PLXNA2: variants seen among roughly 807,000 people sequenced by gnomAD.
PLXNA2 encodes plexin A2.
PLXNA2 carries 91 observed loss-of-function variants against 193.5 expected under a neutral mutation model. The ratio of observed to expected loss-of-function variants is 0.47; its 90% CI spans 0.40 to 0.56. The LOEUF (loss-of-function observed/expected upper bound fraction) is 0.56. PLXNA2 is among the 20% of genes least tolerant of loss of function. The pLI, the probability that PLXNA2 is intolerant of heterozygous loss-of-function variation, is 0.00. For synonymous variants in PLXNA2, 997 were observed against 1,027.3 expected (o/e 0.97, Z 0.56); for missense variants, 1,995 against 2,503.2 (o/e 0.80, Z 4.33).
chr1:208,187,862 G>C (rs758256328), intron 3 of PLXNA2, among the ~76,000 whole-genome samples: 3 of 152,212 alleles, frequency 2.0e-5, no homozygotes, highest in Non-Finnish European at 4.4e-5. Flanking sequence ...GTGCAGTGGT[G>C]TGCAGTTACT....
At chr1:208,039,877 C>T in intron 23 of PLXNA2, 110 bp from the exon 24 acceptor site, 1 of 1,584,938 alleles carries the variant, frequency 6.3e-7, no homozygotes, top group Non-Finnish European at 8.7e-7. Flanking sequence ...TTAGCACAGC[C>T]AGTCCAGGTT....
chr1:208,195,598 C>T (rs1180147667), intron 3 of PLXNA2, among the ~76,000 whole-genome samples: 7 of 150,264 alleles, frequency 4.7e-5, no homozygotes, highest in Non-Finnish European at 1.0e-4. Context: ...CAGGCATCTG[C>T]CATTCTGTGA....
chr1:208,212,043 G>C (rs1670974404), intron 2 of PLXNA2, among the ~76,000 whole-genome samples: 1 of 152,210 alleles, frequency 6.6e-6, no homozygotes, highest in Non-Finnish European at 1.5e-5. Flanking sequence ...CTCTGGGCCA[G>C]AAAGAGCCCC....
intron 4 of PLXNA2, among the ~76,000 whole-genome samples, chr1:208,120,736 T>C (rs948808128): frequency 6.6e-6 from 1 of 152,188 alleles, no homozygotes; most frequent in Non-Finnish European, 1.5e-5. Flanking sequence ...CTGGTGGGTC[T>C]CCCAGAGTTC....
intron 3 of PLXNA2, among the ~76,000 whole-genome samples, chr1:208,202,001 T>C (rs1343244468): frequency 6.7e-6 from 1 of 150,090 alleles, no homozygotes; most frequent in African/African-American, 2.5e-5. Context: ...CTTTTTGAGA[T>C]GGAGTCTCTC....
intron 12 of PLXNA2, among the ~76,000 whole-genome samples, chr1:208,064,398 G>T (rs1238438056): frequency 6.6e-6 from 1 of 152,210 alleles, no homozygotes; most frequent in Non-Finnish European, 1.5e-5. Flanking sequence ...GGCCTGGCAG[G>T]TGTGGTCTTT....
At chr1:208,099,702 C>A (rs1179561117) in intron 5 of PLXNA2, among the ~76,000 whole-genome samples, 2 of 151,970 alleles carry the variant, frequency 1.3e-5, no homozygotes, top group Non-Finnish European at 2.9e-5. Flanking sequence ...TCCTGAGTAT[C>A]TGGGATTACA....
At chr1:208,164,719 C>T (rs566542802) in intron 3 of PLXNA2, among the ~76,000 whole-genome samples, 164 of 152,330 alleles carry the variant, frequency 1.1e-3, no homozygotes, top group African/African-American at 3.9e-3. Flanking sequence ...AGGTGCCAAA[C>T]CCAGCCCTCC....
In PLXNA2 at chr1:208,080,462, ACACGTAAAAGTCATTTTTC is replaced by A. The variant is rs1157714382; in HGVS notation, c.2396-1031_2396-1013del. Among the ~76,000 whole-genome samples, 9 of 152,296 alleles carry A rather than the reference ACACGTAAAAGTCATTTTTC, an allele frequency of 5.9e-5. No individual in the cohort carries two copies. The East Asian group carries it at 1.7e-3, about 29-fold the overall frequency. On this transcript the variant is annotated intron_variant, in intron 11 of 31. Coordinates refer to ENST00000367033, the MANE Select transcript of PLXNA2 (RefSeq NM_025179.4). Reference sequence around the variant, plus strand: ...ACAAGTAGAATTCTCCAAAAGCAAAACACGTAAAAGTCATTTTTCCACTCTTTTGGTCAAGCACATGTAA... The same window carrying A: ...ACAAGTAGAATTCTCCAAAAGCAAAACACTCTTTTGGTCAAGCACATGTAA...
At position 208,042,224 on chromosome 1, in the gene PLXNA2, G is replaced by A; in HGVS notation, c.4160C>T (p.Ala1387Val). 1 of 1,614,230 alleles carries A rather than the reference G, an allele frequency of 6.2e-7. No homozygotes were observed. Among genetic ancestry groups the A allele is most frequent in the Non-Finnish European group, 8.5e-7 (1 of 1,180,034 alleles). Residue 1387 changes from alanine to valine, a missense_variant, in exon 22 of 32, where the codon GCT becomes GTT. Transcript: ENST00000367033. ...CTGCAGGCCGGTCATGATGAGCGAA[G>A]CCACGTTGCCCCGGTCGCGCATGGA... is the stretch of plus-strand genomic sequence containing the variant. ...SFSMRDRGNV[A>V]SLIMTGLQGR...
At chr1:208,195,178 T>C (rs1222994773) in intron 3 of PLXNA2, among the ~76,000 whole-genome samples, 1 of 152,174 alleles carries the variant, frequency 6.6e-6, no homozygotes, top group East Asian at 1.9e-4. Context: ...GAGTGGCATG[T>C]AGTAATCTAG....
At chr1:208,126,867 G>T (rs1395545637) in intron 4 of PLXNA2, among the ~76,000 whole-genome samples, 3 of 152,176 alleles carry the variant, frequency 2.0e-5, no homozygotes, top group Non-Finnish European at 2.9e-5. Context: ...AAGCACTCCT[G>T]AAAGGAAGCA....
chr1:208,178,590 A>G (rs1427476490), intron 3 of PLXNA2, among the ~76,000 whole-genome samples: 1 of 151,786 alleles, frequency 6.6e-6, no homozygotes, highest in Admixed American at 6.6e-5. Context: ...AGCTAGCAGC[A>G]CTCCCCCATC....
At chr1:208,197,835 A>T (rs1670408442) in intron 3 of PLXNA2, among the ~76,000 whole-genome samples, 1 of 152,102 alleles carries the variant, frequency 6.6e-6, no homozygotes, top group Non-Finnish European at 1.5e-5. Context: ...CAGCAGAGAC[A>T]CCTAATTGCT....
In PLXNA2 at chr1:208,236,219, A is replaced by G. The variant is rs1019480884; in HGVS notation, c.-81+7424T>C. Reference sequence around the variant, plus strand: ...GGCTCCCGCTAAGAACGCTGTTCTCAGTGAAATTCAAAAAATTGGCTCTTC... The same window carrying G: ...GGCTCCCGCTAAGAACGCTGTTCTCGGTGAAATTCAAAAAATTGGCTCTTC... On this transcript the variant is annotated intron_variant, in intron 1 of 31. Transcript: ENST00000367033. The surrounding 1 kb of genome is among the most constrained non-coding windows in gnomAD (Gnocchi z 4.4). 6.6e-6 allele frequency among the ~76,000 whole-genome samples: 1 copy of G among 152,166 alleles called. No individual in the cohort carries two copies. The highest frequency in any genetic ancestry group is 2.4e-5 in the African/African-American group (1 of 41,432).
chr1:208,195,272 G>C (rs1670321429), intron 3 of PLXNA2, among the ~76,000 whole-genome samples: 1 of 152,230 alleles, frequency 6.6e-6, no homozygotes, highest in Non-Finnish European at 1.5e-5. Context: ...TCTGATCACA[G>C]TTAAGGGATG....
chr1:208,143,145 C>G (rs1668504882), intron 3 of PLXNA2, among the ~76,000 whole-genome samples: 1 of 152,190 alleles, frequency 6.6e-6, no homozygotes, highest in South Asian at 2.1e-4. Context: ...ATCTGGGGAG[C>G]TTTAAAAAAT....
intron 3 of PLXNA2, among the ~76,000 whole-genome samples, chr1:208,185,696 C>CAAAAAA (rs56384277): frequency 4.0e-4 from 23 of 57,250 alleles, no homozygotes; most frequent in South Asian, 9.9e-4. Context: ...TCTCTGAAAG[C>CAAAAAA]AAAAAAAAAA....
At chr1:208,135,331 G>A (rs538528643) in intron 4 of PLXNA2, among the ~76,000 whole-genome samples, 123 of 152,276 alleles carry the variant, frequency 8.1e-4, no homozygotes, top group African/African-American at 2.9e-3. Context: ...TAATCCATGG[G>A]GATGAGGTCC....
Sources: gnomAD v4.1 joint callset for allele counts (sites outside exome capture counted in the v4.1 genomes callset) on GRCh38, gnomAD v4.1.1 for gene constraint, Gnocchi (gnomAD v3.1) non-coding constraint, MANE v1.5 for transcripts, NCBI Gene and HGNC (gene_info 2026-07-23, HGNC 2026-07-21) for gene names.